CEP120: variants seen among roughly 807,000 people sequenced by gnomAD.
The protein encoded by CEP120 is centrosomal protein of 120 kDa.
A neutral mutation model predicts 126.5 loss-of-function variants in CEP120; 113 were observed. That is an observed-to-expected ratio of 0.89 (90% CI 0.77 to 1.04). The LOEUF is 1.04. Ranked by LOEUF, CEP120 falls within the 50% of genes least tolerant of loss-of-function variation. The pLI is 0.00. For synonymous variants in CEP120, 400 were observed against 394.3 expected (o/e 1.01, Z -0.17); for missense variants, 1,230 against 1,155.7 (o/e 1.06, Z -0.93).
At chr5:123,379,293 T>C (rs1252149841) in intron 14 of CEP120, among the ~76,000 whole-genome samples, 1 of 152,128 alleles carries the variant, frequency 6.6e-6, no homozygotes, top group Admixed American at 6.6e-5. Context: ...TATTAGTTTT[T>C]GGCTTTCGTT....
At chr5:123,399,074 G>A (rs58659496) in intron 5 of CEP120, 62 bp downstream of exon 5, 5 of 1,293,144 alleles carry the variant, frequency 3.9e-6, no homozygotes, top group Admixed American at 4.9e-5. Context: ...TACCTGAAAG[G>A]TAAAATGTTT....
chr5:123,414,393 GTTTCT>G (rs936808965), intron 3 of CEP120, among the ~76,000 whole-genome samples: 3 of 152,178 alleles, frequency 2.0e-5, no homozygotes, highest in African/African-American at 7.2e-5. Context: ...TTAAATTTCA[GTTTCT>G]TTTAAATTAT....
intron 16 of CEP120, among the ~76,000 whole-genome samples, chr5:123,374,479 AGTTT>A (rs1026348397): frequency 6.6e-6 from 1 of 151,946 alleles, no homozygotes; most frequent in African/African-American, 2.4e-5. Context: ...TTTTTGAATG[AGTTT>A]TTTTTTAAAT....
intron 6 of CEP120, among the ~76,000 whole-genome samples, chr5:123,391,738 T>C (rs971510738): frequency 2.0e-5 from 3 of 152,164 alleles, no homozygotes; most frequent in African/African-American, 7.2e-5. Context: ...AAACACAGTT[T>C]CAAAAAATAA....
intron 14 of CEP120, among the ~76,000 whole-genome samples, chr5:123,379,832 G>A (rs535572329): frequency 2.5e-4 from 38 of 152,216 alleles, no homozygotes; most frequent in Non-Finnish European, 3.2e-4. Context: ...AAGGGGCTGT[G>A]TCCGGAATAC....
chr5:123,401,672 A>AGGAAGTTG lies in CEP120; in HGVS notation c.464-2396_464-2389dup, dbSNP rs1260767101. 4 of 1,419,240 alleles carry AGGAAGTTG rather than the reference A, an allele frequency of 2.8e-6. No individual in the cohort carries two copies. The East Asian group carries it at 9.1e-5, about 32-fold the overall frequency. 87.9% of individuals were successfully genotyped at this position (1,419,240 alleles called of 1,614,324 possible). The stretch of plus-strand genomic sequence containing the variant: ...GATCTCCTCTTCATACAGCTGCCTG[A>AGGAAGTTG]GGAAGTTGATCTCATCAGTCAGCCC... On this transcript the variant is annotated intron_variant, in intron 4 of 19. Transcript: ENST00000306467.
At chr5:123,373,935 C>T (rs17150385) in intron 16 of CEP120, among the ~76,000 whole-genome samples, 67,013 of 151,680 alleles carry the variant, frequency 0.44, 14,718 homozygotes, top group East Asian at 0.48. Flanking sequence ...CAAAAGAATA[C>T]CATAATCATC....
intron 19 of CEP120, among the ~76,000 whole-genome samples, chr5:123,348,543 G>C (rs986862448): frequency 6.6e-6 from 1 of 152,164 alleles, no homozygotes; most frequent in Non-Finnish European, 1.5e-5. Context: ...CCTTAAAGCT[G>C]ACCTTTTGCA....
chr5:123,382,852 G>A lies in CEP120; in HGVS notation c.1898C>T (p.Pro633Leu), dbSNP rs1055949660. 1.9e-5 allele frequency: 30 copies of A among 1,613,320 alleles called. No homozygotes were observed. Among genetic ancestry groups the A allele is most frequent in the Non-Finnish European group, 2.3e-5 (27 of 1,179,656 alleles). The change falls in exon 13 of 20, where the codon CCT becomes CTT. Residue 633 changes from proline to leucine, a missense_variant. Coordinates refer to ENST00000306467, the MANE Select transcript of CEP120 (RefSeq NM_001375405.1). ...GATCTCTGAAGGACAAGGTGCTGGA[G>A]GAAGAGAAGACGGCTTTTGCTGTAC... is the stretch of plus-strand genomic sequence containing the variant. ...SAVQQKPSSL[P>L]PAPCPSEIQT...
At chr5:123,413,215 T>C (rs1340561659) in intron 3 of CEP120, among the ~76,000 whole-genome samples, 1 of 151,418 alleles carries the variant, frequency 6.6e-6, no homozygotes, top group Non-Finnish European at 1.5e-5. Flanking sequence ...AAAGCTGCAG[T>C]GAGCCATGAT....
At chr5:123,374,444 T>C (rs891451006) in intron 16 of CEP120, among the ~76,000 whole-genome samples, 1 of 152,114 alleles carries the variant, frequency 6.6e-6, no homozygotes, top group African/African-American at 2.4e-5. Context: ...TTTCAAAAAT[T>C]TTTAAAAAGG....
intron 7 of CEP120, 55 bp from the exon 8 acceptor site, chr5:123,390,195 A>G (rs1385636624): frequency 9.5e-6 from 12 of 1,269,586 alleles, no homozygotes. Flanking sequence ...CTTCATAATT[A>G]AGCAAAAAAC....
intron 4 of CEP120, chr5:123,401,761 G>A (rs1450020934): frequency 3.1e-5 from 38 of 1,232,434 alleles, no homozygotes; most frequent in Non-Finnish European, 4.3e-5. Flanking sequence ...TTCTTGATGA[G>A]GACAAATTCA....
intron 1 of CEP120, among the ~76,000 whole-genome samples, chr5:123,420,810 C>T (rs2127145977): frequency 6.6e-6 from 1 of 152,332 alleles, no homozygotes; most frequent in Middle Eastern, 3.4e-3. Context: ...CATTCAAAAA[C>T]TCGTATGTAG....
intron 18 of CEP120, 71 bp downstream of exon 18, chr5:123,364,425 T>C: frequency 3.2e-6 from 3 of 942,244 alleles, no homozygotes; most frequent in African/African-American, 1.7e-5. Flanking sequence ...ATAACAGATA[T>C]TGCCAAACAT....
chr5:123,395,517 C>A (rs1363373114), intron 5 of CEP120, among the ~76,000 whole-genome samples: 3 of 152,076 alleles, frequency 2.0e-5, no homozygotes, highest in Non-Finnish European at 4.4e-5. Flanking sequence ...ACTCTCCTGC[C>A]CCCAGTCCCT....
chr5:123,412,370 G>C (rs1436619599), intron 4 of CEP120, 29 bp downstream of exon 4: 2 of 1,581,286 alleles, frequency 1.3e-6, no homozygotes, highest in African/African-American at 2.7e-5. Flanking sequence ...GAACTTCTCA[G>C]AGAATGTTTT....
At position 123,363,737 on chromosome 5, in the gene CEP120, G is replaced by T. The variant is rs553578513; in HGVS notation, c.2580+759C>A. Among the ~76,000 whole-genome samples, 9 of 151,468 alleles carry T rather than the reference G, an allele frequency of 5.9e-5. No individual in the cohort carries two copies. The South Asian group carries it at 1.9e-3, about 31-fold the overall frequency. ...TAACGATGTTTAATAGTATTTGACAGTTATGGAGACATATTAAGAAAAATA... is the reference window on the plus strand; with the variant it reads ...TAACGATGTTTAATAGTATTTGACATTTATGGAGACATATTAAGAAAAATA... On this transcript the variant is annotated intron_variant, in intron 18 of 19. Coordinates refer to ENST00000306467, the MANE Select transcript of CEP120 (RefSeq NM_001375405.1).
At chr5:123,366,809 C>T (rs1296321553) in intron 17 of CEP120, among the ~76,000 whole-genome samples, 4 of 151,850 alleles carry the variant, frequency 2.6e-5, no homozygotes, top group Non-Finnish European at 5.9e-5. Flanking sequence ...ACCTAAACTA[C>T]TCCACCTAGG....
Sources: allele counts gnomAD v4.1 joint callset (sites outside exome capture counted in the v4.1 genomes callset), GRCh38; gene constraint gnomAD v4.1.1; transcripts MANE v1.5; gene names NCBI Gene and HGNC (gene_info 2026-07-23, HGNC 2026-07-21).